The following LSAMP variants were observed in gnomAD, a reference collection of about 807,000 sequenced individuals.
The protein encoded by LSAMP is limbic system associated membrane protein, also known as limbic system-associated membrane protein.
In LSAMP, 7 loss-of-function variants were observed where a neutral mutation model predicts 38.6. The observed-to-expected ratio is 0.18, with a 90% CI of 0.10 to 0.34. The LOEUF (loss-of-function observed/expected upper bound fraction) is 0.34, where lower values mean the gene tolerates loss of function less well. Among genes scored for constraint, LSAMP ranks in the 10% least tolerant of loss-of-function variants. The pLI is 1.00. For synonymous variants in LSAMP, 154 were observed against 166.8 expected (o/e 0.92, Z 0.59); for missense variants, 313 against 420.0 (o/e 0.75, Z 2.23).
At chr3:116,128,805 A>G (rs1709063764) in intron 1 of LSAMP, among the ~76,000 whole-genome samples, 1 of 152,250 alleles carries the variant, frequency 6.6e-6, no homozygotes. Context: ...AACACAATGC[A>G]GAAAAAGAGG....
intron 1 of LSAMP, among the ~76,000 whole-genome samples, chr3:116,309,606 T>C (rs1033565318): frequency 1.3e-5 from 2 of 152,160 alleles, no homozygotes; most frequent in Admixed American, 1.3e-4. Context: ...AAACTTTGTA[T>C]TTGTTTCTTA....
chr3:116,418,167 T>C (rs2107850439), intron 1 of LSAMP, among the ~76,000 whole-genome samples: 1 of 152,330 alleles, frequency 6.6e-6, no homozygotes, highest in East Asian at 1.9e-4. Flanking sequence ...TTTTATGCCA[T>C]TTATGTTTAT....
At chr3:115,994,473 T>C (rs9289033) in intron 3 of LSAMP, among the ~76,000 whole-genome samples, 68,257 of 151,888 alleles carry the variant, frequency 0.45, 16,948 homozygotes, top group African/African-American at 0.68. Context: ...AGTCATGATC[T>C]TTGTGATCCT....
chr3:115,881,037 A>AACATAAATAAATAAAT (rs1553744202), intron 3 of LSAMP, among the ~76,000 whole-genome samples: 1 of 142,894 alleles, frequency 7.0e-6, no homozygotes, highest in Non-Finnish European at 1.5e-5. Context: ...CTCTGTCTCA[A>AACATAAATAAATAAAT]AAATAAATAA....
chr3:116,103,205 C>T (rs1352877472), intron 1 of LSAMP, among the ~76,000 whole-genome samples: 1 of 151,858 alleles, frequency 6.6e-6, no homozygotes, highest in Non-Finnish European at 1.5e-5. Context: ...GTGGCTCACA[C>T]CTATAATCCC....
At chr3:116,441,066 C>A (rs1297148196) in intron 1 of LSAMP, among the ~76,000 whole-genome samples, 2 of 152,008 alleles carry the variant, frequency 1.3e-5, no homozygotes, top group South Asian at 2.1e-4. Flanking sequence ...GGTGTAGAAA[C>A]AAACAGGGAA....
At chr3:116,261,292 G>A (rs2046822261) in intron 1 of LSAMP, among the ~76,000 whole-genome samples, 1 of 152,064 alleles carries the variant, frequency 6.6e-6, no homozygotes, top group East Asian at 1.9e-4. Flanking sequence ...CTTTCTGATC[G>A]TGGGGCATTC....
intron 2 of LSAMP, among the ~76,000 whole-genome samples, chr3:116,060,380 G>T (rs1941571907): frequency 6.6e-6 from 1 of 152,066 alleles, no homozygotes; most frequent in East Asian, 1.9e-4. Context: ...AAGTGCTAAT[G>T]AATAGGTAGT....
At chr3:115,917,112 T>A (rs1937268516) in intron 3 of LSAMP, among the ~76,000 whole-genome samples, 1 of 152,172 alleles carries the variant, frequency 6.6e-6, no homozygotes, top group Admixed American at 6.5e-5. Flanking sequence ...AAAGATTGCA[T>A]CCCAAGGCAC....
At chr3:115,982,541 A>G (rs1178581289) in intron 3 of LSAMP, among the ~76,000 whole-genome samples, 1 of 152,216 alleles carries the variant, frequency 6.6e-6, no homozygotes, top group Non-Finnish European at 1.5e-5. Flanking sequence ...AGTAGGACCC[A>G]AGAGGTCCTC....
At chr3:116,405,120 A>G (rs571552182) in intron 1 of LSAMP, among the ~76,000 whole-genome samples, 1 of 152,280 alleles carries the variant, frequency 6.6e-6, no homozygotes, top group South Asian at 2.1e-4. Context: ...AGATATAGGC[A>G]GCTTGAAAAG....
intron 3 of LSAMP, among the ~76,000 whole-genome samples, chr3:115,927,587 C>T (rs977324667): frequency 1.6e-4 from 25 of 152,326 alleles, no homozygotes; most frequent in African/African-American, 4.8e-4. Flanking sequence ...CTGCATTCCT[C>T]CTTTTCTTAA....
intron 1 of LSAMP, among the ~76,000 whole-genome samples, chr3:116,371,219 A>T (rs1019901089): frequency 6.6e-6 from 1 of 152,174 alleles, no homozygotes; most frequent in Non-Finnish European, 1.5e-5. Context: ...CATTACCCTG[A>T]TATCAAAGCA....
intron 6 of LSAMP, among the ~76,000 whole-genome samples, chr3:115,826,058 T>G (rs1332960270): frequency 1.3e-5 from 2 of 152,158 alleles, no homozygotes; most frequent in African/African-American, 4.8e-5. Flanking sequence ...CCTTTGCAGG[T>G]AGTGGGTTGT....
intron 1 of LSAMP, among the ~76,000 whole-genome samples, chr3:116,319,989 A>G (rs2047686274): frequency 6.6e-6 from 1 of 152,124 alleles, no homozygotes; most frequent in African/African-American, 2.4e-5. Flanking sequence ...ACATTTGCAT[A>G]TGTTGGCAAA....
chr3:115,897,069 C>A (rs573801264), intron 3 of LSAMP, among the ~76,000 whole-genome samples: 5 of 152,026 alleles, frequency 3.3e-5, no homozygotes, highest in Non-Finnish European at 7.4e-5. Context: ...TAAGAAGCCT[C>A]GCTTATGATT....
At chr3:116,066,100 CA>C (rs1196106278) in intron 2 of LSAMP, among the ~76,000 whole-genome samples, 1 of 152,110 alleles carries the variant, frequency 6.6e-6, no homozygotes, top group African/African-American at 2.4e-5. Flanking sequence ...AGTCAAAGAT[CA>C]AGGTGCCAAC....
chr3:116,110,849 A>C (rs924093396), intron 1 of LSAMP, among the ~76,000 whole-genome samples: 5 of 152,240 alleles, frequency 3.3e-5, no homozygotes, highest in Admixed American at 2.6e-4. Flanking sequence ...TGTGTAAGCA[A>C]CATGGCTGTT....
chr3:116,319,845 A>G (rs937948350), intron 1 of LSAMP, among the ~76,000 whole-genome samples: 1 of 152,012 alleles, frequency 6.6e-6, no homozygotes, highest in African/African-American at 2.4e-5. Flanking sequence ...GCTCAAAGCA[A>G]TAGCAGCTAA....
Sources: gnomAD v4.1 joint callset for allele counts (sites outside exome capture counted in the v4.1 genomes callset) on GRCh38, gnomAD v4.1.1 for gene constraint, MANE v1.5 for transcripts, NCBI Gene and HGNC (gene_info 2026-07-23, HGNC 2026-07-21) for gene names.